The following CDK12 variants were observed in gnomAD, a reference collection of about 807,000 sequenced individuals.
CDK12 encodes cyclin-dependent kinase 12.
CDK12 carries 17 observed loss-of-function variants against 133.8 expected under a neutral mutation model. The observed-to-expected ratio is 0.13, with a 90% CI of 0.09 to 0.19. CDK12 has a LOEUF of 0.19. Ranked by LOEUF, CDK12 falls within the 10% of genes least tolerant of loss-of-function variation. CDK12 has a pLI of 1.00. For missense variants in CDK12, 1,508 were observed against 1,818.7 expected (o/e 0.83, Z 3.11); for synonymous variants, 694 against 683.6 (o/e 1.02, Z -0.24).
In CDK12 at chr17:39,523,201, C is replaced by T. The variant is rs550534183; in HGVS notation, c.3096-1473C>T. On this transcript the variant is annotated intron_variant, in intron 11 of 13. Coordinates refer to ENST00000447079, the MANE Select transcript of CDK12 (RefSeq NM_016507.4). ...AAAAAGTCTTTTATCTGGCCTGGCA[C>T]GGTGGCTCATGCCTGTAATCCCAGC... 9.2e-5 allele frequency among the ~76,000 whole-genome samples: 14 copies of T among 152,144 alleles called. No individual in the cohort carries two copies. The South Asian group carries it at 2.3e-3, about 25-fold the overall frequency.
Position 39,534,302 on chromosome 17 carries a change from T to C in CDK12, c.*2986T>C, listed in dbSNP as rs1174592132. 1 of 232,902 alleles carries C rather than the reference T, an allele frequency of 4.3e-6. No homozygotes were observed. The highest frequency in any genetic ancestry group is 2.2e-5 in the African/African-American group (1 of 45,326). The allele number at this position is 232,902 out of a possible 1,614,324, so 14.4% of individuals were successfully genotyped here. ...GTGTATATATAATATGCATATATAG[T>C]TACCGTGCTAAAATGGTTACCAGCA... On this transcript the variant is annotated 3_prime_UTR_variant, in exon 14 of 14. Coordinates refer to ENST00000447079, the MANE Select transcript of CDK12 (RefSeq NM_016507.4).
intron 13 of CDK12, among the ~76,000 whole-genome samples, chr17:39,528,652 G>T (rs1384213349): frequency 1.3e-5 from 2 of 152,144 alleles, no homozygotes; most frequent in East Asian, 1.9e-4. Context: ...CTTTGGAATA[G>T]AATTTTTATT....
chr17:39,482,212 A>G (rs2050770857), intron 2 of CDK12, among the ~76,000 whole-genome samples: 1 of 149,980 alleles, frequency 6.7e-6, no homozygotes, highest in South Asian at 2.1e-4. Context: ...GGGTTTCACC[A>G]TTTTGGCCAA....
chr17:39,522,825 G>A (rs2054264660), intron 11 of CDK12, among the ~76,000 whole-genome samples: 1 of 152,034 alleles, frequency 6.6e-6, no homozygotes, highest in Non-Finnish European at 1.5e-5. Flanking sequence ...GGCCGAGGTG[G>A]ATGGATCACC....
chr17:39,536,432 T>C (rs2055138037), downstream of CDK12, among the ~76,000 whole-genome samples: 1 of 152,120 alleles, frequency 6.6e-6, no homozygotes, highest in Admixed American at 6.5e-5. Context: ...TGAAAGGAGC[T>C]TTTCATTTGT....
At position 39,526,046 on chromosome 17, in the gene CDK12, A is replaced by G. The variant is rs2054477298; in HGVS notation, c.3490A>G (p.Thr1164Ala). The G allele has an allele frequency of 1.2e-6, 2 of 1,614,106 alleles. No homozygotes were observed. The highest frequency in any genetic ancestry group is 1.3e-5 in the African/African-American group (1 of 74,936). The change falls in exon 13 of 14, where the codon ACT (threonine) becomes GCT (alanine). Residue 1164 changes from threonine (T) to alanine (A), a missense_variant. By Grantham distance (58) the Thr-to-Ala change is moderately conservative. Coordinates refer to ENST00000447079, the MANE Select transcript of CDK12 (RefSeq NM_016507.4). Reference protein sequence around the residue: ...NQSISALTEATSQQQDSETMA... With the variant: ...NQSISALTEAASQQQDSETMA... Reference sequence around the variant, plus strand: ...ATCCATCAGTGCCCTGACGGAAGCTACTTCCCAGCAGCAGGACTCAGAGAC... The same window carrying G: ...ATCCATCAGTGCCCTGACGGAAGCTGCTTCCCAGCAGCAGGACTCAGAGAC...
At chr17:39,474,766 G>T (rs909372353) in intron 2 of CDK12, among the ~76,000 whole-genome samples, 3 of 133,502 alleles carry the variant, frequency 2.2e-5, no homozygotes, top group African/African-American at 8.4e-5. Flanking sequence ...ACTATAGAAA[G>T]AAATATGATG....
At chr17:39,524,273 C>T (rs746040302) in intron 11 of CDK12, among the ~76,000 whole-genome samples, 3 of 152,146 alleles carry the variant, frequency 2.0e-5, no homozygotes, top group South Asian at 2.1e-4. Flanking sequence ...TTTAAGTCAC[C>T]GCCTTTCCTC....
intron 11 of CDK12, among the ~76,000 whole-genome samples, chr17:39,523,692 T>C (rs1036704275): frequency 6.6e-6 from 1 of 152,068 alleles, no homozygotes; most frequent in African/African-American, 2.4e-5. Context: ...CTTGTTCTGT[T>C]GCTCAGGCTG....
intron 3 of CDK12, among the ~76,000 whole-genome samples, chr17:39,492,409 T>C (rs1322175671): frequency 7.5e-6 from 1 of 133,104 alleles, no homozygotes; most frequent in Non-Finnish European, 1.6e-5. Flanking sequence ...TTCATTTTCT[T>C]TTTTTTTTTT....
At chr17:39,519,599 T>C (rs935575608) in intron 10 of CDK12, among the ~76,000 whole-genome samples, 1 of 151,514 alleles carries the variant, frequency 6.6e-6, no homozygotes, top group African/African-American at 2.4e-5. Context: ...TTTTTTTTTT[T>C]TTTAAAAAGA....
chr17:39,525,056 G>A (rs902937392), intron 12 of CDK12, among the ~76,000 whole-genome samples, 171 bp downstream of exon 12: 3 of 152,154 alleles, frequency 2.0e-5, no homozygotes, highest in Admixed American at 6.6e-5. Context: ...ACCAAGTTTC[G>A]TACATATGGT....
At chr17:39,520,699 T>TGTA (rs1385279413) in intron 11 of CDK12, among the ~76,000 whole-genome samples, 6 of 151,312 alleles carry the variant, frequency 4.0e-5, no homozygotes, top group Admixed American at 1.3e-4. Flanking sequence ...TTTTTGTTGT[T>TGTA]GTTGTTGTTG....
chr17:39,481,657 T>G (rs1245109480), intron 2 of CDK12, among the ~76,000 whole-genome samples: 177 of 13,122 alleles, frequency 0.013, 28 homozygotes, highest in Non-Finnish European at 0.027. Context: ...TCTCTCTCTC[T>G]CTCTCTCTCT....
intron 3 of CDK12, among the ~76,000 whole-genome samples, chr17:39,557,902 C>T (rs1379047221): frequency 6.6e-6 from 1 of 152,182 alleles, no homozygotes; most frequent in African/African-American, 2.4e-5. Flanking sequence ...ATTCACTTAA[C>T]CTCTTTGAGT....
At chr17:39,540,715 A>G (rs750799247) in intron 1 of CDK12, among the ~76,000 whole-genome samples, 2 of 150,912 alleles carry the variant, frequency 1.3e-5, no homozygotes, top group African/African-American at 2.4e-5. Context: ...ATAAAGTGGG[A>G]GCCCCCATTT....
intron 12 of CDK12, 57 bp from the exon 13 acceptor site, chr17:39,525,807 G>A (rs1433642589): frequency 5.1e-6 from 7 of 1,375,274 alleles, no homozygotes; most frequent in Non-Finnish European, 7.0e-6. Flanking sequence ...GTTGAAGAAG[G>A]CAAAGGGCCC....
At chr17:39,501,462 T>G (rs1291715802) in intron 6 of CDK12, 23 bp downstream of exon 6, 1 of 1,542,414 alleles carries the variant, frequency 6.5e-7, no homozygotes, top group Non-Finnish European at 8.9e-7. Flanking sequence ...CCAAATAAGA[T>G]TAAGCACTTT....
chr17:39,512,729 A>G (rs769727438), intron 8 of CDK12, among the ~76,000 whole-genome samples: 11 of 152,228 alleles, frequency 7.2e-5, no homozygotes, highest in African/African-American at 1.2e-4. Flanking sequence ...ATATCCTCCC[A>G]TCTGTTTGGC....
Sources: gnomAD v4.1 joint callset for allele counts (sites outside exome capture counted in the v4.1 genomes callset) on GRCh38, gnomAD v4.1.1 for gene constraint, MANE v1.5 for transcripts, NCBI Gene and HGNC (gene_info 2026-07-23, HGNC 2026-07-21) for gene names.